Variants in OR6N1 observed in about 807,000 individuals in gnomAD.
OR6N1 encodes the protein olfactory receptor 6N1.
For synonymous variants in OR6N1, 170 were observed against 150.7 expected (o/e 1.13, Z -0.94); for missense variants, 394 against 371.7 (o/e 1.06, Z -0.49).
intron 1 of OR6N1, among the ~76,000 whole-genome samples, chr1:158,768,616 G>T (rs1657337949): frequency 6.6e-6 from 1 of 152,166 alleles, no homozygotes; most frequent in Non-Finnish European, 1.5e-5. Context: ...TCTAAATTAG[G>T]TTCTGCGTTT....
At chr1:158,808,609 G>A in the OR6N1 span, 3,529 of 153,022 alleles carry the variant, frequency 0.023, 151 homozygotes, top group African/African-American at 0.081. Flanking sequence ...CCACAGTTAC[G>A]TGGGAGGAAC....
Position 158,765,878 on chromosome 1 carries a change from C to A in OR6N1, c.805G>T (p.Asp269Tyr), listed in dbSNP as rs1047010752. ...ACCACTGCCAGGGCCTGGTCATAGT[C>A]CAGTGAGTAGCTCTTCTTCAGCTGC... is the stretch of plus-strand genomic sequence containing the variant. ...YVQLKKSYSL[D>Y]YDQALAVVYS... The change falls in exon 2 of 2, where the codon GAC becomes TAC. Residue 269 changes from aspartate (D) to tyrosine (Y), a missense_variant. Asp to Tyr is a radical substitution (Grantham distance 160). Transcript: ENST00000641846. 1 of 1,614,076 alleles carries A rather than the reference C, an allele frequency of 6.2e-7. No individual in the cohort carries two copies. Among genetic ancestry groups the A allele is most frequent in the African/African-American group, 1.3e-5 (1 of 75,034 alleles).
At chr1:158,837,261 A>G in the OR6N1 span, among the ~76,000 whole-genome samples, 3 of 151,842 alleles carry the variant, frequency 2.0e-5, no homozygotes, top group South Asian at 2.1e-4. Flanking sequence ...ATTTTTTCCA[A>G]ATTTTCTTCT....
the OR6N1 span, among the ~76,000 whole-genome samples, chr1:158,832,908 T>C: frequency 6.6e-6 from 1 of 152,270 alleles, no homozygotes; most frequent in Non-Finnish European, 1.5e-5. Context: ...TAAAGGTATA[T>C]ATTTTAACTT....
chr1:158,812,091 TA>T, the OR6N1 span, among the ~76,000 whole-genome samples: 2 of 152,188 alleles, frequency 1.3e-5, no homozygotes, highest in South Asian at 2.1e-4. Context: ...TCTCAAATAC[TA>T]AAACACCCCC....
chr1:158,776,564 A>G (rs1657598476), upstream of OR6N1: 3 of 570,856 alleles, frequency 5.3e-6, no homozygotes, highest in Non-Finnish European at 9.2e-6. Flanking sequence ...TCATAAAGAA[A>G]TGAAGTCTTT....
At chr1:158,801,646 CT>C in the OR6N1 span, among the ~76,000 whole-genome samples, 1 of 152,072 alleles carries the variant, frequency 6.6e-6, no homozygotes, top group Non-Finnish European at 1.5e-5. Flanking sequence ...TTTACTTCAA[CT>C]TCCCCTTCTC....
the OR6N1 span, among the ~76,000 whole-genome samples, chr1:158,777,907 T>C: frequency 6.6e-6 from 1 of 152,220 alleles, no homozygotes; most frequent in Non-Finnish European, 1.5e-5. Context: ...TCTGCCTATT[T>C]TGCAAATAAG....
chr1:158,831,331 T>G, the OR6N1 span: 1 of 152,192 alleles, frequency 6.6e-6, no homozygotes, highest in Non-Finnish European at 1.5e-5. Flanking sequence ...CATAACTTCT[T>G]TCTAGTTAGG....
the OR6N1 span, among the ~76,000 whole-genome samples, chr1:158,807,542 A>G: frequency 6.6e-6 from 1 of 152,298 alleles, no homozygotes; most frequent in South Asian, 2.1e-4. Flanking sequence ...CGTGATCAGA[A>G]CTGCAGGTTT....
At chr1:158,777,549 G>T in the OR6N1 span, 1 of 1,613,960 alleles carries the variant, frequency 6.2e-7, no homozygotes, top group African/African-American at 1.3e-5. Flanking sequence ...ATAGCAGCAG[G>T]ACAAAAAGCC....
At chr1:158,767,323 T>C (rs1350306572) in intron 1 of OR6N1, among the ~76,000 whole-genome samples, 2 of 152,172 alleles carry the variant, frequency 1.3e-5, no homozygotes, top group East Asian at 3.9e-4. Flanking sequence ...ATAAGAAGGT[T>C]AGAGTAAATA....
At chr1:158,770,467 CT>C (rs1292540137) in intron 1 of OR6N1, among the ~76,000 whole-genome samples, 1 of 152,058 alleles carries the variant, frequency 6.6e-6, no homozygotes, top group Non-Finnish European at 1.5e-5. Context: ...ATGATTTTCC[CT>C]TTTTAAAAAA....
the OR6N1 span, among the ~76,000 whole-genome samples, chr1:158,816,420 A>G: frequency 1.3e-5 from 2 of 151,938 alleles, no homozygotes; most frequent in Admixed American, 1.3e-4. Context: ...GGCTGGGAGC[A>G]GTGACTTACA....
the OR6N1 span, among the ~76,000 whole-genome samples, chr1:158,834,306 C>T: frequency 6.7e-6 from 1 of 149,348 alleles, no homozygotes; most frequent in Non-Finnish European, 1.5e-5. Context: ...GATCTCGACT[C>T]ACTGCAAGCT....
At chr1:158,821,155 CT>C in the OR6N1 span, among the ~76,000 whole-genome samples, 23 of 152,206 alleles carry the variant, frequency 1.5e-4, no homozygotes, top group East Asian at 4.3e-3. Context: ...GTTTAATATA[CT>C]TTGTTTTTCA....
chr1:158,824,521 T>C, the OR6N1 span, among the ~76,000 whole-genome samples: 1 of 152,198 alleles, frequency 6.6e-6, no homozygotes, highest in Non-Finnish European at 1.5e-5. Flanking sequence ...CATGTGGTGA[T>C]GAAAAGAACT....
chr1:158,780,624 C>T, the OR6N1 span, among the ~76,000 whole-genome samples: 1 of 152,204 alleles, frequency 6.6e-6, no homozygotes, highest in Non-Finnish European at 1.5e-5. Flanking sequence ...TGGGCAAAAT[C>T]ATCTAACACA....
Position 158,766,268 on chromosome 1 carries a change from T to A in OR6N1, c.415A>T (p.Thr139Ser), listed in dbSNP as rs549634587. The change falls in exon 2 of 2, where the codon ACA becomes TCA. Residue 139 changes from threonine (T) to serine (S), a missense_variant. By Grantham distance (58) the Thr-to-Ser change is moderately conservative (BLOSUM62 1). Coordinates refer to ENST00000641846, the MANE Select transcript of OR6N1 (RefSeq NM_001005185.2). ...PLHYPTLMTP[T>S]LCAEIAIGCW... is the part of the protein sequence containing the mutation. ...CCAATGGCAATCTCTGCACAAAGTG[T>A]TGGGGTCATGAGGGTTGGGTAGTGG... is the stretch of plus-strand genomic sequence containing the variant. 6.2e-7 allele frequency: 1 copy of A among 1,613,906 alleles called. No individual in the cohort carries two copies. The highest frequency in any genetic ancestry group is 2.2e-5 in the East Asian group (1 of 44,850).
Sources: gnomAD v4.1 joint callset for allele counts (sites outside exome capture counted in the v4.1 genomes callset) on GRCh38, gnomAD v4.1.1 for gene constraint, MANE v1.5 for transcripts, NCBI Gene and HGNC (gene_info 2026-07-23, HGNC 2026-07-21) for gene names.